GABRA3: variants seen among roughly 807,000 people sequenced by gnomAD.
GABRA3 encodes gamma-aminobutyric acid type A receptor subunit alpha3, also known as gamma-aminobutyric acid receptor subunit alpha-3.
A neutral mutation model predicts 30.1 loss-of-function variants in GABRA3; 10 were observed. The ratio of observed to expected loss-of-function variants is 0.33; its 90% CI spans 0.20 to 0.56. GABRA3 has a LOEUF of 0.56. Among genes scored for constraint, GABRA3 ranks in the 20% least tolerant of loss-of-function variants. GABRA3 has a pLI of 0.89. For synonymous variants in GABRA3, 151 were observed against 146.8 expected, an observed-to-expected ratio of 1.03 and a Z score of -0.21; for missense variants, 233 against 392.0, an observed-to-expected ratio of 0.59 and a Z score of 3.42.
intron 1 of GABRA3, among the ~76,000 whole-genome samples, chrX:152,378,845 C>T (rs1362215427): frequency 9.0e-6 from 1 of 111,179 alleles, no homozygotes; most frequent in Non-Finnish European, 1.9e-5. Context: ...ACCAAAAAAT[C>T]CTCTATTTTT....
intron 2 of GABRA3, among the ~76,000 whole-genome samples, chrX:152,359,438 T>C (rs1928417665): frequency 9.0e-6 from 1 of 111,728 alleles, no homozygotes; most frequent in Non-Finnish European, 1.9e-5. Flanking sequence ...TTTATTTGGA[T>C]CTTCTCTTTT....
intron 9 of GABRA3, among the ~76,000 whole-genome samples, chrX:152,174,011 A>G (rs1439924138): frequency 1.8e-5 from 2 of 109,377 alleles, no homozygotes; most frequent in East Asian, 2.9e-4. Context: ...TCATTGTTCA[A>G]TTCCCACCTA....
chrX:152,224,780 G>A lies in GABRA3; in HGVS notation c.617C>T (p.Pro206Leu). 8.4e-7 allele frequency: 1 copy of A among 1,192,615 alleles called. No homozygotes were observed. Among genetic ancestry groups the A allele is most frequent in the East Asian group, 3.0e-5 (1 of 33,672 alleles). The change falls in exon 6 of 10, where the codon CCA becomes CTA. Residue 206 changes from proline to leucine, a missense_variant. Coordinates refer to ENST00000370314, the MANE Select transcript of GABRA3 (RefSeq NM_000808.4). ...ATACATACAGCTTCCAAACTTCAGT[G>A]GGCAGGCATGCACATCCATGGGAAA... ...EDFPMDVHACPLKFGSYAYTT... is the reference protein window; with the variant it reads ...EDFPMDVHACLLKFGSYAYTT...
chrX:152,314,305 T>G (rs1486616018), intron 3 of GABRA3, among the ~76,000 whole-genome samples: 2 of 112,033 alleles, frequency 1.8e-5, no homozygotes, highest in African/African-American at 6.5e-5. Context: ...ATTGCTCATT[T>G]GTACCCACCC....
intron 4 of GABRA3, among the ~76,000 whole-genome samples, chrX:152,278,930 A>G (rs1269392241): frequency 1.8e-5 from 2 of 111,716 alleles, no homozygotes; most frequent in African/African-American, 3.3e-5. Context: ...GTCTGTTCAT[A>G]TCCTTCGCCC....
chrX:152,359,662 T>C (rs1204415932), intron 2 of GABRA3, among the ~76,000 whole-genome samples: 1 of 111,297 alleles, frequency 9.0e-6, no homozygotes, highest in Non-Finnish European at 1.9e-5. Flanking sequence ...TAATTTGAGA[T>C]CTGTGTAACT....
At chrX:152,360,399 G>T (rs781477734) in intron 2 of GABRA3, among the ~76,000 whole-genome samples, 146 of 99,154 alleles carry the variant, frequency 1.5e-3, no homozygotes, top group Non-Finnish European at 2.4e-3. Context: ...GTTTTGATTT[G>T]CATTTCTCTG....
chrX:152,290,639 G>A (rs778001128), intron 3 of GABRA3, among the ~76,000 whole-genome samples: 29 of 111,631 alleles, frequency 2.6e-4, no homozygotes, highest in African/African-American at 8.5e-4. Context: ...GGGCTTTTAC[G>A]GTTTCAGGTC....
chrX:152,322,380 G>C (rs898334250), intron 3 of GABRA3, among the ~76,000 whole-genome samples: 1 of 111,712 alleles, frequency 9.0e-6, no homozygotes, highest in Non-Finnish European at 1.9e-5. Flanking sequence ...TTTTACTTTG[G>C]AGGGATGGAA....
At chrX:152,393,491 C>A in intron 1 of GABRA3, 2 of 379,135 alleles carry the variant, frequency 5.3e-6, no homozygotes, top group Non-Finnish European at 1.1e-5. Flanking sequence ...CATGCTCAGA[C>A]AACCATGGTG....
At chrX:152,386,397 A>C (rs771068100) in intron 1 of GABRA3, among the ~76,000 whole-genome samples, 3 of 111,338 alleles carry the variant, frequency 2.7e-5, no homozygotes, top group Admixed American at 1.9e-4. Flanking sequence ...CAACCTACTC[A>C]TCTGACAAAG....
intron 3 of GABRA3, among the ~76,000 whole-genome samples, chrX:152,318,211 C>A (rs979657517): frequency 9.0e-6 from 1 of 111,051 alleles, no homozygotes; most frequent in African/African-American, 3.3e-5. Flanking sequence ...TCTAGAAAAC[C>A]TAGAAGAGAT....
intron 5 of GABRA3, among the ~76,000 whole-genome samples, chrX:152,249,642 C>G (rs896465716): frequency 2.7e-5 from 3 of 110,543 alleles, no homozygotes; most frequent in Non-Finnish European, 3.8e-5. Context: ...GGATCCTCAT[C>G]ATGTTTATGC....
chrX:152,435,596 G>C (rs1053499454), intron 1 of GABRA3, among the ~76,000 whole-genome samples: 1 of 108,819 alleles, frequency 9.2e-6, no homozygotes, highest in Admixed American at 9.9e-5. Context: ...GGCCTGTCAG[G>C]GGGTGGGGGG....
intron 1 of GABRA3, among the ~76,000 whole-genome samples, chrX:152,426,587 A>G (rs937426083): frequency 9.0e-6 from 1 of 111,660 alleles, no homozygotes; most frequent in African/African-American, 3.3e-5. Flanking sequence ...AATTCCCTTG[A>G]TGAAAATCAG....
At chrX:152,328,065 A>G (rs1197646157) in intron 3 of GABRA3, among the ~76,000 whole-genome samples, 1 of 112,028 alleles carries the variant, frequency 8.9e-6, no homozygotes, top group African/African-American at 3.2e-5. Flanking sequence ...AGAGAATACT[A>G]TAAACACCTA....
chrX:152,293,808 T>C (rs185780064), intron 3 of GABRA3, among the ~76,000 whole-genome samples: 3 of 111,597 alleles, frequency 2.7e-5, no homozygotes, highest in East Asian at 5.6e-4. Flanking sequence ...GGAGCTCTTG[T>C]AAGGCAGGCC....
intron 3 of GABRA3, among the ~76,000 whole-genome samples, chrX:152,302,571 A>G (rs1283064534): frequency 9.0e-6 from 1 of 111,512 alleles, no homozygotes; most frequent in East Asian, 2.8e-4. Flanking sequence ...GCCTGAAGGT[A>G]ATTTTATGAA....
chrX:152,217,378 CATAAGAAATACTTGTCT>C (rs780577922), intron 6 of GABRA3, among the ~76,000 whole-genome samples: 17 of 111,392 alleles, frequency 1.5e-4, no homozygotes, highest in Non-Finnish European at 2.1e-4. Context: ...TGTCTATACT[CATAAGAAATACTTGTCT>C]ATAAGAAATA....
Sources: allele counts gnomAD v4.1 joint callset (sites outside exome capture counted in the v4.1 genomes callset), GRCh38; gene constraint gnomAD v4.1.1; transcripts MANE v1.5; gene names NCBI Gene and HGNC (gene_info 2026-07-23, HGNC 2026-07-21).